The following ADAM10 variants were observed in gnomAD, a reference collection of about 807,000 sequenced individuals.
ADAM10 encodes ADAM metallopeptidase domain 10.
In ADAM10, 17 loss-of-function variants were observed where a neutral mutation model predicts 90.1. The observed-to-expected ratio is 0.19, with a 90% confidence interval of 0.13 to 0.28. ADAM10 has a LOEUF of 0.28. Among genes scored for constraint, ADAM10 ranks in the 10% least tolerant of loss-of-function variants. The pLI is 1.00. For missense variants in ADAM10, 610 were observed against 914.3 expected (o/e 0.67, Z 4.29); for synonymous variants, 310 against 298.6 (o/e 1.04, Z -0.40).
intron 11 of ADAM10, 149 bp downstream of exon 11, chr15:58,621,321 AC>A (rs1895780187): frequency 1.2e-6 from 1 of 857,308 alleles, no homozygotes. Context: ...CAGAGCAGTA[AC>A]CAACACTACT....
At chr15:58,722,937 G>T (rs1045574074) in intron 1 of ADAM10, among the ~76,000 whole-genome samples, 1 of 151,830 alleles carries the variant, frequency 6.6e-6, no homozygotes, top group African/African-American at 2.4e-5. Context: ...TCACTGTGTT[G>T]ACCAGGCTGG....
chr15:58,682,291 C>T lies in ADAM10; in HGVS notation c.230G>A (p.Arg77Lys), dbSNP rs1206886383. The T allele has an allele frequency of 1.2e-6, 2 of 1,612,664 alleles. No individual in the cohort carries two copies. Among genetic ancestry groups the T allele is most frequent in the African/African-American group, 2.7e-5 (2 of 74,860 alleles). The change falls in exon 3 of 16, where the codon AGG becomes AAG. Residue 77 changes from arginine to lysine, a missense_variant. Arg to Lys is a conservative substitution (Grantham distance 26, BLOSUM62 2). Coordinates refer to ENST00000260408, the MANE Select transcript of ADAM10 (RefSeq NM_001110.4). ...TTCATCACTGAAAAGGGAAGTGTCC[C>T]TCTTCATTCGTAGGTTGAAATGTCT... ...HGRHFNLRMK[R>K]DTSLFSDEFK...
At chr15:58,641,336 A>G (rs1896411206) in intron 7 of ADAM10, among the ~76,000 whole-genome samples, 1 of 152,164 alleles carries the variant, frequency 6.6e-6, no homozygotes, top group African/African-American at 2.4e-5. Context: ...TTTAGTCCTA[A>G]TCTCCTACAT....
At chr15:58,616,470 A>T (rs1895619296) in intron 11 of ADAM10, among the ~76,000 whole-genome samples, 1 of 152,236 alleles carries the variant, frequency 6.6e-6, no homozygotes, top group African/African-American at 2.4e-5. Flanking sequence ...GAGATCAATC[A>T]CAAGGGGAAC....
chr15:58,663,207 G>GT (rs1424905820), intron 5 of ADAM10, among the ~76,000 whole-genome samples: 2 of 152,056 alleles, frequency 1.3e-5, no homozygotes, highest in African/African-American at 4.8e-5. Context: ...CTTTTTTGTT[G>GT]TAAATATGGA....
chr15:58,696,938 A>T (rs1279851386), intron 2 of ADAM10, among the ~76,000 whole-genome samples: 2 of 152,076 alleles, frequency 1.3e-5, no homozygotes, highest in African/African-American at 4.8e-5. Flanking sequence ...CCTGGGGCCA[A>T]ACAGCCCCGG....
At chr15:58,720,678 G>T (rs981005023) in intron 1 of ADAM10, among the ~76,000 whole-genome samples, 6 of 152,138 alleles carry the variant, frequency 3.9e-5, no homozygotes, top group Non-Finnish European at 7.3e-5. Context: ...TGGGATTACA[G>T]GCATGAGCCA....
At chr15:58,748,129 T>C (rs760484086) in intron 1 of ADAM10, 2 of 152,190 alleles carry the variant, frequency 1.3e-5, no homozygotes, top group African/African-American at 4.8e-5. Flanking sequence ...GCTTGATGAA[T>C]TGGATTGAAA....
intron 1 of ADAM10, among the ~76,000 whole-genome samples, chr15:58,718,389 A>G (rs1473730699): frequency 6.6e-6 from 1 of 152,002 alleles, no homozygotes; most frequent in African/African-American, 2.4e-5. Context: ...TTTTGTTTAG[A>G]ATTTTGTTTT....
chr15:58,627,055 G>A (rs545521668), intron 10 of ADAM10, among the ~76,000 whole-genome samples: 26 of 152,152 alleles, frequency 1.7e-4, no homozygotes, highest in African/African-American at 5.8e-4. Context: ...TTCATGATAG[G>A]AGAGTAGATG....
chr15:58,646,176 C>T lies in ADAM10; in HGVS notation c.614G>A (p.Gly205Asp). 1.2e-6 allele frequency: 2 copies of T among 1,613,202 alleles called. No individual in the cohort carries two copies. The highest frequency in any genetic ancestry group is 1.1e-5 in the South Asian group (1 of 91,058). The part of the protein sequence containing the change: ...QIPQEEHAAN[G>D]PELLRKKRTT... The stretch of plus-strand genomic sequence containing the variant: ...ACGTTTTTTCCTCAGAAGTTCTGGA[C>T]CATTAGCAGCATGTTCTTCTTGAGG... Residue 205 changes from glycine (G) to aspartate (D), a missense_variant, in exon 6 of 16, where the codon GGT (glycine) becomes GAT (aspartate). Gly to Asp is a moderately conservative substitution (Grantham distance 94, BLOSUM62 -1). Transcript: ENST00000260408.
intron 5 of ADAM10, among the ~76,000 whole-genome samples, chr15:58,661,376 AG>A (rs1237909923): frequency 6.6e-6 from 1 of 152,158 alleles, no homozygotes; most frequent in Non-Finnish European, 1.5e-5. Context: ...TTATTTAAAA[AG>A]ATCTTTAATT....
intron 1 of ADAM10, among the ~76,000 whole-genome samples, chr15:58,734,255 G>A (rs1484851612): frequency 2.0e-5 from 3 of 152,048 alleles, no homozygotes; most frequent in African/African-American, 7.2e-5. Context: ...CTATCTGCCA[G>A]GCTCTGTACT....
intron 4 of ADAM10, among the ~76,000 whole-genome samples, chr15:58,670,619 T>C (rs1422485219): frequency 6.6e-6 from 1 of 152,134 alleles, no homozygotes; most frequent in African/African-American, 2.4e-5. Flanking sequence ...GATATAACTG[T>C]ACATGAAATT....
At chr15:58,698,572 T>C (rs1204466745) in intron 2 of ADAM10, among the ~76,000 whole-genome samples, 1 of 96,796 alleles carries the variant, frequency 1.0e-5, no homozygotes, top group African/African-American at 4.2e-5. Flanking sequence ...TGAGACCTTG[T>C]CTCAAAAAAA....
rs549069160 is a variant in ADAM10, at chr15:58,612,966, C to T, written c.1512-975G>A. On this transcript the variant is annotated intron_variant, in intron 11 of 15. Transcript: ENST00000260408. ...GAACTCCAGCCCCACAGTTACTCTA[C>T]GCATCCGCAACTGGAAGCCAGCACC... Among the ~76,000 whole-genome samples, 31 of 152,284 alleles carry T rather than the reference C, an allele frequency of 2.0e-4. 1 individual carries two copies. In the South Asian group the frequency reaches 2.7e-3, roughly 13 times the overall value.
chr15:58,629,667 A>C (rs1177737569), intron 9 of ADAM10, among the ~76,000 whole-genome samples: 1 of 152,220 alleles, frequency 6.6e-6, no homozygotes, highest in Non-Finnish European at 1.5e-5. Flanking sequence ...ATTCAATCAT[A>C]ATCTACCATG....
chr15:58,737,759 A>T (rs1481462955), intron 1 of ADAM10, among the ~76,000 whole-genome samples: 1 of 152,202 alleles, frequency 6.6e-6, no homozygotes, highest in Non-Finnish European at 1.5e-5. Context: ...TTCCTTCCCA[A>T]TCCTTGAACC....
chr15:58,662,947 T>G (rs1318078603), intron 5 of ADAM10, among the ~76,000 whole-genome samples: 2 of 152,224 alleles, frequency 1.3e-5, no homozygotes, highest in African/African-American at 4.8e-5. Flanking sequence ...GTGTGTCATA[T>G]CTGAAATTTC....
Sources: allele counts gnomAD v4.1 joint callset (sites outside exome capture counted in the v4.1 genomes callset), GRCh38; gene constraint gnomAD v4.1.1; transcripts MANE v1.5; gene names NCBI Gene and HGNC (gene_info 2026-07-23, HGNC 2026-07-21).